BICRA: variants seen among roughly 807,000 people sequenced by gnomAD.
BICRA encodes BRD4 interacting chromatin remodeling complex associated protein, also known as BRD4-interacting chromatin-remodeling complex-associated protein.
Under a neutral mutation model 96.9 loss-of-function variants are expected in BICRA, and 31 were observed. The observed-to-expected ratio is 0.32, with a 90% CI of 0.24 to 0.43. The LOEUF is 0.43. Among genes scored for constraint, BICRA ranks in the 20% least tolerant of loss-of-function variants. The pLI, the probability that BICRA is intolerant of heterozygous loss-of-function variation, is 1.00. For missense variants in BICRA, 2,283 were observed against 2,190.3 expected (o/e 1.04, Z -0.84); for synonymous variants, 1,350 against 1,071.8 (o/e 1.26, Z -5.07).
intron 4 of BICRA, among the ~76,000 whole-genome samples, chr19:47,674,716 C>T (rs1245900747): frequency 6.6e-6 from 1 of 152,156 alleles, no homozygotes; most frequent in African/African-American, 2.4e-5. Context: ...GGCAGGAGGC[C>T]TCAGTTCCTC....
chr19:47,654,447 A>G (rs1972585045), intron 1 of BICRA, among the ~76,000 whole-genome samples: 1 of 151,712 alleles, frequency 6.6e-6, no homozygotes, highest in African/African-American at 2.4e-5. Context: ...TTTACTACTG[A>G]TGGCCAGTGG....
At chr19:47,616,883 C>G (rs1009677649) in intron 1 of BICRA, among the ~76,000 whole-genome samples, 1 of 151,376 alleles carries the variant, frequency 6.6e-6, no homozygotes, top group Admixed American at 6.6e-5. Context: ...GGCTGGAGTA[C>G]AGTGGTGTGA....
intron 1 of BICRA, among the ~76,000 whole-genome samples, chr19:47,649,079 C>T (rs1187462065): frequency 6.6e-6 from 1 of 152,076 alleles, no homozygotes; most frequent in African/African-American, 2.4e-5. Context: ...TCTCAATCTC[C>T]TGACCTTGTG....
At chr19:47,626,096 G>A (rs965965556) in intron 1 of BICRA, 3 of 152,370 alleles carry the variant, frequency 2.0e-5, no homozygotes, top group Non-Finnish European at 4.4e-5. Context: ...TTCAGGAGGG[G>A]TGGGGAGCCA....
In BICRA at chr19:47,675,290, C is replaced by T. The variant is rs1034338789; in HGVS notation, c.85-561C>T. Among the ~76,000 whole-genome samples, 6 of 152,134 alleles carry T rather than the reference C, an allele frequency of 3.9e-5. No individual in the cohort carries two copies. Among genetic ancestry groups the T allele is most frequent in the East Asian group, 1.9e-4 (1 of 5,188 alleles). On this transcript the variant is annotated intron_variant, in intron 4 of 14. Transcript: ENST00000594866. The surrounding 1 kb of genome is among the most constrained non-coding windows in gnomAD (Gnocchi z 4.7). ...GATGGAACAAGAAATTAGGGAAGCC[C>T]GAGCCATGGACATACATTCACTGGG...
chr19:47,663,176 G>A (rs1972728361), intron 1 of BICRA: 2 of 152,274 alleles, frequency 1.3e-5, no homozygotes, highest in South Asian at 2.1e-4. Flanking sequence ...ATCACTAGAG[G>A]TCAGGAGTTC....
rs373267529 is a variant in BICRA, at chr19:47,698,938, C to G, written c.3398-27C>G. On this transcript the variant is annotated intron_variant, in intron 12 of 14. Transcript: ENST00000594866. This position sits in a 1 kb window ranked among gnomAD's most constrained non-coding sequence, Gnocchi z 4.8. ...TCCGCGGCCGCCCCCAACATCTCCG[C>G]CCTTGCCTCTCTTCCCTTCCTCGCA... is the stretch of plus-strand genomic sequence containing the variant. 1.3e-6 allele frequency: 2 copies of G among 1,533,090 alleles called. No homozygotes were observed. Among genetic ancestry groups the G allele is most frequent in the African/African-American group, 2.7e-5 (2 of 72,914 alleles). The allele number at this position is 1,533,090 out of a possible 1,614,324, so 95.0% of individuals were successfully genotyped here.
chr19:47,695,225 G>A (rs1973317099), intron 9 of BICRA, 140 bp from the exon 10 acceptor site: 4 of 765,260 alleles, frequency 5.2e-6, no homozygotes, highest in Non-Finnish European at 8.6e-6. Context: ...GAAGGCCAGA[G>A]GTGGCAGGGC....
In BICRA at chr19:47,679,544, A is replaced by T. The variant is rs1972994563; in HGVS notation, c.374A>T (p.Asp125Val). 1 of 1,547,190 alleles carries T rather than the reference A, an allele frequency of 6.5e-7. No homozygotes were observed. Reference sequence around the variant, plus strand: ...ACGCTGGAGGCCGAGGCTGAGCTGGACCTGGGTCCCTTCCAGCTGCCCACC... The same window carrying T: ...ACGCTGGAGGCCGAGGCTGAGCTGGTCCTGGGTCCCTTCCAGCTGCCCACC... ...EQTLEAEAEL[D>V]LGPFQLPTLQ... Residue 125 changes from aspartate (D) to valine (V), a missense_variant, in exon 6 of 15, where the codon GAC becomes GTC. Physicochemically the swap from Asp to Val is radical, Grantham distance 152. Transcript: ENST00000594866.
chr19:47,702,192 T>C lies in BICRA; in HGVS notation c.4460T>C (p.Phe1487Ser). 6.3e-7 allele frequency: 1 copy of C among 1,591,706 alleles called. No individual in the cohort carries two copies. The highest frequency in any genetic ancestry group is 8.5e-7 in the Non-Finnish European group (1 of 1,174,886). Residue 1487 changes from phenylalanine (F) to serine (S), a missense_variant, in exon 15 of 15, where the codon TTC (phenylalanine) becomes TCC (serine). Phe to Ser is a radical substitution (Grantham distance 155). Coordinates refer to ENST00000594866, the MANE Select transcript of BICRA (RefSeq NM_001394372.1). ...SESPDVDQAS[F>S]SSDSPQDDTL... ...TCGCCCGACGTGGACCAGGCCAGCT[T>C]CTCCAGCGACAGCCCGCAGGATGAC...
intron 1 of BICRA, among the ~76,000 whole-genome samples, chr19:47,625,599 T>G (rs1262290712): frequency 6.6e-6 from 1 of 151,590 alleles, no homozygotes; most frequent in Non-Finnish European, 1.5e-5. Context: ...GGAGATTGGG[T>G]TGGGTTTGGA....
intron 1 of BICRA, among the ~76,000 whole-genome samples, chr19:47,642,804 C>T (rs1381788646): frequency 6.6e-6 from 1 of 152,238 alleles, no homozygotes; most frequent in African/African-American, 2.4e-5. Context: ...AGTTGCCCCA[C>T]ATCTTCCCCA....
chr19:47,702,017 A>G lies in BICRA; in HGVS notation c.4285A>G (p.Ile1429Val). 6.7e-7 allele frequency: 1 copy of G among 1,489,494 alleles called. No homozygotes were observed. The highest frequency in any genetic ancestry group is 2.0e-4 in the Middle Eastern group (1 of 4,906). 92.3% of individuals were successfully genotyped at this position (1,489,494 alleles called of 1,614,324 possible). A position where few individuals can be genotyped will look rare whatever the true frequency, so the allele number is the denominator to read the frequency against. Reference sequence around the variant, plus strand: ...AGTGGACGAGGCCACCAGCGGGCTCATCCGCGAGCTGGCGGCCGTGGAGGA... The same window carrying G: ...AGTGGACGAGGCCACCAGCGGGCTCGTCCGCGAGCTGGCGGCCGTGGAGGA... The part of the protein sequence containing the change: ...AKVDEATSGL[I>V]RELAAVEDEL... The change falls in exon 15 of 15, where the codon ATC (isoleucine) becomes GTC (valine). Residue 1429 changes from isoleucine to valine, a missense_variant. Transcript: ENST00000594866.
At chr19:47,683,586 G>A (rs888562844) in intron 7 of BICRA, among the ~76,000 whole-genome samples, 3 of 128,584 alleles carry the variant, frequency 2.3e-5, no homozygotes, top group African/African-American at 5.4e-5. Context: ...GGAGGGCTAC[G>A]TTCTTTTTTT....
At chr19:47,685,784 T>TGTGTGTGTGTGTGC (rs1555790113) in intron 7 of BICRA, among the ~76,000 whole-genome samples, 1 of 115,436 alleles carries the variant, frequency 8.7e-6, no homozygotes, top group Non-Finnish European at 1.7e-5. Flanking sequence ...TGTGTGTGTG[T>TGTGTGTGTGTGTGC]GTGCGCGCGC....
intron 7 of BICRA, among the ~76,000 whole-genome samples, chr19:47,692,561 A>G (rs1973257249): frequency 1.3e-5 from 2 of 152,194 alleles, no homozygotes; most frequent in South Asian, 4.2e-4. Context: ...CCTGGAGGGG[A>G]ATTTCCAGGT....
At chr19:47,672,961 C>T (rs912298389) in intron 2 of BICRA, among the ~76,000 whole-genome samples, 2 of 152,130 alleles carry the variant, frequency 1.3e-5, no homozygotes, top group African/African-American at 4.8e-5. Context: ...CCACCCTCCC[C>T]TTCCTTGGGA....
At chr19:47,612,571 C>T (rs774699281) in intron 1 of BICRA, among the ~76,000 whole-genome samples, 1 of 152,110 alleles carries the variant, frequency 6.6e-6, no homozygotes, top group Non-Finnish European at 1.5e-5. Flanking sequence ...AGGCCCCTAC[C>T]CCTTCAGCAC....
intron 1 of BICRA, among the ~76,000 whole-genome samples, chr19:47,648,417 A>G (rs759446738): frequency 4.0e-5 from 6 of 151,892 alleles, no homozygotes; most frequent in Non-Finnish European, 7.4e-5. Flanking sequence ...AAAGCGAACA[A>G]AAAGAAACCT....
Sources: gnomAD v4.1 joint callset for allele counts (sites outside exome capture counted in the v4.1 genomes callset) on GRCh38, gnomAD v4.1.1 for gene constraint, Gnocchi (gnomAD v3.1) non-coding constraint, MANE v1.5 for transcripts, NCBI Gene and HGNC (gene_info 2026-07-23, HGNC 2026-07-21) for gene names.